The following DGKB variants were observed in gnomAD, a reference collection of about 807,000 sequenced individuals.
DGKB encodes diacylglycerol kinase beta, also known as 90 kDa diacylglycerol kinase.
A neutral mutation model predicts 114.3 loss-of-function variants in DGKB; 67 were observed. The observed-to-expected ratio is 0.59, with a 90% CI of 0.48 to 0.72. DGKB has a LOEUF of 0.72. Ranked by LOEUF, DGKB falls within the 30% of genes least tolerant of loss-of-function variation. The pLI, the probability that DGKB is intolerant of heterozygous loss-of-function variation, is 0.00. For missense variants in DGKB, 907 were observed against 975.2 expected (o/e 0.93, Z 0.93); for synonymous variants, 398 against 323.1 (o/e 1.23, Z -2.49).
intron 1 of DGKB, among the ~76,000 whole-genome samples, chr7:14,867,465 T>C (rs1023595962): frequency 4.6e-5 from 7 of 152,086 alleles, no homozygotes; most frequent in Non-Finnish European, 2.9e-5. Context: ...GTTCACTTGT[T>C]CCACATTTTT....
chr7:14,343,554 T>G (rs955691613), intron 22 of DGKB, among the ~76,000 whole-genome samples: 52 of 151,716 alleles, frequency 3.4e-4, no homozygotes, highest in Admixed American at 3.4e-3. Context: ...TTGTGACACA[T>G]AGAATCTTAT....
At chr7:14,510,913 G>C (rs1282779563) in intron 20 of DGKB, among the ~76,000 whole-genome samples, 2 of 152,118 alleles carry the variant, frequency 1.3e-5, no homozygotes, top group African/African-American at 4.8e-5. Context: ...TATTTTGAAA[G>C]GAATCTTATT....
At chr7:14,285,343 A>G (rs146980187) in intron 23 of DGKB, among the ~76,000 whole-genome samples, 1 of 152,294 alleles carries the variant, frequency 6.6e-6, no homozygotes, top group East Asian at 1.9e-4. Context: ...TAGAGGGGCT[A>G]CAAATTACTA....
chr7:14,829,843 A>G (rs1416829161), intron 2 of DGKB, among the ~76,000 whole-genome samples: 1 of 152,112 alleles, frequency 6.6e-6, no homozygotes, highest in African/African-American at 2.4e-5. Context: ...ATCACAGAGT[A>G]GTGCCTCATA....
chr7:14,502,885 T>G (rs1204474154), intron 20 of DGKB, among the ~76,000 whole-genome samples: 3 of 152,070 alleles, frequency 2.0e-5, no homozygotes, highest in African/African-American at 7.2e-5. Context: ...TCAACATTCC[T>G]TTCCCATTCA....
At chr7:14,636,137 G>A (rs1810710449) in intron 13 of DGKB, among the ~76,000 whole-genome samples, 1 of 151,644 alleles carries the variant, frequency 6.6e-6, no homozygotes, top group South Asian at 2.1e-4. Flanking sequence ...CTGTACTCAC[G>A]TTAGGCTAAG....
intron 6 of DGKB, among the ~76,000 whole-genome samples, chr7:14,704,982 G>T (rs532455755): frequency 2.1e-4 from 32 of 151,966 alleles, no homozygotes; most frequent in African/African-American, 5.8e-4. Context: ...TGACTTTGAC[G>T]AGCTGAGAGA....
chr7:14,312,864 G>C (rs1254751095), intron 23 of DGKB, among the ~76,000 whole-genome samples: 1 of 152,120 alleles, frequency 6.6e-6, no homozygotes, highest in African/African-American at 2.4e-5. Context: ...GAAACTTTTT[G>C]TATTTACTAG....
Position 14,229,914 on chromosome 7 carries a change from A to C in DGKB, c.2123-51763T>G, listed in dbSNP as rs7784249. On this transcript the variant is annotated intron_variant, in intron 23 of 25. Coordinates refer to ENST00000402815, the MANE Select transcript of DGKB (RefSeq NM_001350709.2). Reference sequence around the variant, plus strand: ...TTATATGTATTAATAACAATAATGCAAAAGTCAATGTAGTTTGTACATAAA... The same window carrying C: ...TTATATGTATTAATAACAATAATGCCAAAGTCAATGTAGTTTGTACATAAA... Among the ~76,000 whole-genome samples, 257 of 152,172 alleles carry C rather than the reference A, an allele frequency of 1.7e-3. 1 individual carries two copies. The highest frequency in any genetic ancestry group is 6.0e-3 in the African/African-American group (250 of 41,562).
At chr7:14,829,099 T>C (rs1380367951) in intron 2 of DGKB, among the ~76,000 whole-genome samples, 2 of 152,064 alleles carry the variant, frequency 1.3e-5, no homozygotes, top group Non-Finnish European at 2.9e-5. Flanking sequence ...GGTGGAAGTG[T>C]TAGATGGTTG....
chr7:14,760,308 C>T (rs929249757), intron 2 of DGKB, among the ~76,000 whole-genome samples: 24 of 152,034 alleles, frequency 1.6e-4, no homozygotes, highest in Admixed American at 1.2e-3. Context: ...TTCATTTTAG[C>T]ACAACTTTCA....
chr7:14,167,527 G>A (rs1784784815), intron 25 of DGKB, among the ~76,000 whole-genome samples: 2 of 152,122 alleles, frequency 1.3e-5, no homozygotes, highest in Admixed American at 6.5e-5. Flanking sequence ...ATGGAGAGGA[G>A]GTGGCTTGAG....
intron 13 of DGKB, among the ~76,000 whole-genome samples, chr7:14,634,307 T>C (rs1233396007): frequency 6.6e-6 from 1 of 151,512 alleles, no homozygotes; most frequent in East Asian, 1.9e-4. Context: ...GACAGAATAT[T>C]GCTTCCCTAA....
intron 1 of DGKB, among the ~76,000 whole-genome samples, chr7:14,868,336 TTTCA>T (rs1264076348): frequency 4.6e-5 from 4 of 87,132 alleles, no homozygotes; most frequent in Non-Finnish European, 8.9e-5. Flanking sequence ...TTTCTTTCCT[TTTCA>T]TTTTTTTTTT....
At chr7:14,305,200 C>G (rs1000936521) in intron 23 of DGKB, among the ~76,000 whole-genome samples, 5 of 152,020 alleles carry the variant, frequency 3.3e-5, no homozygotes, top group African/African-American at 1.2e-4. Flanking sequence ...CTCTAGTCAC[C>G]CTACTGTGCT....
chr7:14,742,898 T>G (rs569524753), intron 4 of DGKB, among the ~76,000 whole-genome samples: 1 of 152,260 alleles, frequency 6.6e-6, no homozygotes, highest in East Asian at 1.9e-4. Context: ...TTGTTTTAAA[T>G]TAGATAAGGT....
chr7:14,229,072 AG>A (rs1165064032), intron 23 of DGKB, among the ~76,000 whole-genome samples: 1 of 151,982 alleles, frequency 6.6e-6, no homozygotes, highest in Non-Finnish European at 1.5e-5. Flanking sequence ...CTACAAAAGA[AG>A]GGCAGAACAA....
chr7:14,463,857 C>A (rs748040313), intron 21 of DGKB, among the ~76,000 whole-genome samples: 8 of 152,056 alleles, frequency 5.3e-5, no homozygotes, highest in Non-Finnish European at 1.0e-4. Flanking sequence ...CTGGAACATA[C>A]CCCAGCCTTT....
intron 2 of DGKB, among the ~76,000 whole-genome samples, chr7:14,783,526 G>A (rs975771399): frequency 1.5e-4 from 23 of 152,084 alleles, no homozygotes; most frequent in African/African-American, 3.4e-4. Flanking sequence ...TCCTGCTTTC[G>A]CTGCCTGATT....
Sources: allele counts gnomAD v4.1 joint callset (sites outside exome capture counted in the v4.1 genomes callset), GRCh38; gene constraint gnomAD v4.1.1; transcripts MANE v1.5; gene names NCBI Gene and HGNC (gene_info 2026-07-23, HGNC 2026-07-21).